The following SPOCK1 variants were observed in gnomAD, a reference collection of about 807,000 sequenced individuals.
The protein encoded by SPOCK1 is testican-1.
A neutral mutation model predicts 55.3 loss-of-function variants in SPOCK1; 23 were observed. The ratio of observed to expected loss-of-function variants is 0.42; its 90% confidence interval spans 0.30 to 0.59. The LOEUF (loss-of-function observed/expected upper bound fraction) is 0.59, where lower values mean the gene tolerates loss of function less well. SPOCK1 is among the 20% of genes least tolerant of loss of function. SPOCK1 has a pLI of 0.22. For missense variants in SPOCK1, 499 were observed against 552.5 expected, an observed-to-expected ratio of 0.90 and a Z score of 0.97; for synonymous variants, 226 against 221.0, an observed-to-expected ratio of 1.02 and a Z score of -0.20.
At chr5:137,405,538 G>A (rs992782231) in intron 2 of SPOCK1, among the ~76,000 whole-genome samples, 4 of 152,104 alleles carry the variant, frequency 2.6e-5, no homozygotes, top group African/African-American at 4.8e-5. Flanking sequence ...CTCTGTCACC[G>A]TGAATAAGCC....
At chr5:137,324,773 T>G (rs529201821) in intron 2 of SPOCK1, among the ~76,000 whole-genome samples, 1 of 151,388 alleles carries the variant, frequency 6.6e-6, no homozygotes, top group East Asian at 2.0e-4. Flanking sequence ...ATGTTATTTG[T>G]TTTTTTAACC....
At chr5:137,403,603 AGGTTGTAG>A in intron 2 of SPOCK1, among the ~76,000 whole-genome samples, 1 of 152,054 alleles carries the variant, frequency 6.6e-6, no homozygotes, top group Non-Finnish European at 1.5e-5. Context: ...GGGTGTGGCC[AGGTTGTAG>A]TAATAAATGG....
chr5:137,148,304 C>T (rs543818854), intron 3 of SPOCK1, among the ~76,000 whole-genome samples: 11 of 152,328 alleles, frequency 7.2e-5, no homozygotes, highest in African/African-American at 2.2e-4. Flanking sequence ...TGAGCAACCA[C>T]TGATAAGCCC....
intron 2 of SPOCK1, among the ~76,000 whole-genome samples, chr5:137,481,671 C>A (rs1174293980): frequency 9.2e-5 from 14 of 152,284 alleles, no homozygotes; most frequent in African/African-American, 3.1e-4. Flanking sequence ...CCAGAAGATT[C>A]CCTGGAGTGT....
intron 2 of SPOCK1, among the ~76,000 whole-genome samples, chr5:137,288,331 A>C (rs938856646): frequency 4.6e-5 from 7 of 152,222 alleles, no homozygotes; most frequent in African/African-American, 1.4e-4. Flanking sequence ...GAGACTTAGA[A>C]CCCTTGGACA....
chr5:137,106,863 G>C (rs907288431), intron 5 of SPOCK1, among the ~76,000 whole-genome samples: 1 of 152,090 alleles, frequency 6.6e-6, no homozygotes, highest in African/African-American at 2.4e-5. Flanking sequence ...TCTACAGCTA[G>C]TGAACCCCTT....
At chr5:137,160,597 TA>T in intron 3 of SPOCK1, among the ~76,000 whole-genome samples, 1 of 78,366 alleles carries the variant, frequency 1.3e-5, no homozygotes, top group East Asian at 3.6e-4. Context: ...ATATATAATA[TA>T]TTATATATAA....
chr5:137,054,760 T>C (rs1433212341), intron 6 of SPOCK1, among the ~76,000 whole-genome samples: 1 of 152,228 alleles, frequency 6.6e-6, no homozygotes, highest in Admixed American at 6.5e-5. Context: ...TAGATATTTA[T>C]TAAGTATTGC....
intron 2 of SPOCK1, among the ~76,000 whole-genome samples, chr5:137,453,955 A>G (rs1753312717): frequency 6.6e-6 from 1 of 152,158 alleles, no homozygotes; most frequent in Non-Finnish European, 1.5e-5. Context: ...GCATGGATAA[A>G]TGCAAATGCA....
At chr5:137,447,108 T>C (rs1753145421) in intron 2 of SPOCK1, among the ~76,000 whole-genome samples, 1 of 152,354 alleles carries the variant, frequency 6.6e-6, no homozygotes, top group Non-Finnish European at 1.5e-5. Flanking sequence ...AATGCTGCTA[T>C]GAATATGGGT....
At position 137,459,492 on chromosome 5, in the gene SPOCK1, G is replaced by A. The variant is rs1429036209; in HGVS notation, c.186+38881C>T. Among the ~76,000 whole-genome samples, 11 of 150,672 alleles carry A rather than the reference G, an allele frequency of 7.3e-5. No homozygotes were observed. The East Asian group carries it at 1.2e-3, about 16-fold the overall frequency. ...ATTCATTGCTCACAGCTGGAGTTGC[G>A]GGGAATTATTTCAGCCAGGGACTTC... On this transcript the variant is annotated intron_variant, in intron 2 of 10. Transcript: ENST00000394945.
At chr5:137,244,775 G>T (rs1561482740) in intron 3 of SPOCK1, among the ~76,000 whole-genome samples, 1 of 152,138 alleles carries the variant, frequency 6.6e-6, no homozygotes, top group South Asian at 2.1e-4. Flanking sequence ...GGCACCTGCT[G>T]GTACCTGGGT....
In SPOCK1 at chr5:137,381,579, A is replaced by G. The variant is rs144182456; in HGVS notation, c.187-114524T>C. 3.9e-3 allele frequency among the ~76,000 whole-genome samples: 599 copies of G among 152,266 alleles called. 7 individuals are homozygous for G. The highest frequency in any genetic ancestry group is 0.013 in the African/African-American group (557 of 41,554). The stretch of plus-strand genomic sequence containing the variant: ...TGCACACCCACAAGCCCAACACCAC[A>G]TGGAAGCCACCAGTGCTTAGGGATT... On this transcript the variant is annotated intron_variant, in intron 2 of 10. Transcript: ENST00000394945.
intron 3 of SPOCK1, among the ~76,000 whole-genome samples, chr5:137,208,411 T>C (rs1755555171): frequency 6.6e-6 from 1 of 152,198 alleles, no homozygotes; most frequent in South Asian, 2.1e-4. Context: ...GGAGAAAGAC[T>C]GAATTCTGCT....
Position 137,202,049 on chromosome 5 carries a change from A to G in SPOCK1, c.233-61355T>C, listed in dbSNP as rs188363360. Among the ~76,000 whole-genome samples, 24 of 152,318 alleles carry G rather than the reference A, an allele frequency of 1.6e-4. No individual in the cohort carries two copies. The East Asian group carries it at 3.5e-3, about 22-fold the overall frequency. ...AACATTCCAACCTACAGGGGTGCTC[A>G]AGCCTGCTAAGGAACAATACGTGGC... On this transcript the variant is annotated intron_variant, in intron 3 of 10. Coordinates refer to ENST00000394945, the MANE Select transcript of SPOCK1 (RefSeq NM_004598.4).
At chr5:137,072,459 A>G (rs184780849) in intron 5 of SPOCK1, among the ~76,000 whole-genome samples, 2 of 152,230 alleles carry the variant, frequency 1.3e-5, no homozygotes, top group Middle Eastern at 3.2e-3. Flanking sequence ...GCAAGAGCCA[A>G]TGACGACATG....
intron 2 of SPOCK1, among the ~76,000 whole-genome samples, chr5:137,338,019 ATTTT>A (rs1268692925): frequency 3.3e-5 from 5 of 151,900 alleles, no homozygotes; most frequent in Non-Finnish European, 7.4e-5. Context: ...CCTCTGTATT[ATTTT>A]TTTATTATTA....
At chr5:137,290,825 C>T (rs933960311) in intron 2 of SPOCK1, among the ~76,000 whole-genome samples, 77 of 152,248 alleles carry the variant, frequency 5.1e-4, no homozygotes, top group Middle Eastern at 3.4e-3. Flanking sequence ...GAAGCGGGGC[C>T]CTTGTCTAGT....
intron 2 of SPOCK1, among the ~76,000 whole-genome samples, chr5:137,396,655 C>T (rs1317650103): frequency 6.6e-6 from 1 of 152,224 alleles, no homozygotes; most frequent in Non-Finnish European, 1.5e-5. Flanking sequence ...TGGTTATCTA[C>T]TCTGTTTCAG....
Sources: allele counts gnomAD v4.1 joint callset (sites outside exome capture counted in the v4.1 genomes callset), GRCh38; gene constraint gnomAD v4.1.1; transcripts MANE v1.5; gene names NCBI Gene and HGNC (gene_info 2026-07-23, HGNC 2026-07-21).